The following DNAH11 variants were observed in gnomAD, a reference collection of about 807,000 sequenced individuals.
The protein encoded by DNAH11 is axonemal beta dynein heavy chain 11.
A neutral mutation model predicts 526.0 loss-of-function variants in DNAH11; 442 were observed. That is an observed-to-expected ratio of 0.84 (90% CI 0.78 to 0.91). The LOEUF (loss-of-function observed/expected upper bound fraction) is 0.91, where lower values mean the gene tolerates loss of function less well. Ranked by LOEUF, DNAH11 falls within the 40% of genes least tolerant of loss-of-function variation. DNAH11 has a pLI of 0.00. For missense variants in DNAH11, 6,989 were observed against 5,448.7 expected (o/e 1.28, Z -8.90); for synonymous variants, 2,461 against 1,935.9 (o/e 1.27, Z -7.12).
chr7:21,817,659 C>A (rs1363764533), intron 64 of DNAH11, among the ~76,000 whole-genome samples: 1 of 151,814 alleles, frequency 6.6e-6, no homozygotes, highest in African/African-American at 2.4e-5. Flanking sequence ...TGCCACTGCA[C>A]TCCAGCCTGG....
At chr7:21,581,508 G>T (rs191520746) in intron 8 of DNAH11, among the ~76,000 whole-genome samples, 1 of 152,158 alleles carries the variant, frequency 6.6e-6, no homozygotes. Flanking sequence ...CTTATAGATG[G>T]ACTAAAGTTA....
At chr7:21,686,564 A>G (rs1431974423) in intron 32 of DNAH11, among the ~76,000 whole-genome samples, 1 of 152,206 alleles carries the variant, frequency 6.6e-6, no homozygotes, top group Non-Finnish European at 1.5e-5. Flanking sequence ...TTTGTAAAAT[A>G]TATTTAAATA....
At chr7:21,638,303 A>G (rs550421798) in intron 27 of DNAH11, among the ~76,000 whole-genome samples, 2 of 152,340 alleles carry the variant, frequency 1.3e-5, no homozygotes, top group South Asian at 4.1e-4. Flanking sequence ...ATTTTATATT[A>G]CATAAACAGA....
Position 21,808,049 on chromosome 7 carries a change from G to T in DNAH11, c.10332G>T (p.Lys3444Asn). 6.6e-7 allele frequency: 1 copy of T among 1,517,370 alleles called. No individual in the cohort carries two copies. The highest frequency in any genetic ancestry group is 8.9e-7 in the Non-Finnish European group (1 of 1,118,416). The allele number at this position is 1,517,370 out of a possible 1,614,324, so 94.0% of individuals were successfully genotyped here. The change falls in exon 63 of 82, where the codon AAG becomes AAT. Residue 3444 changes from lysine to asparagine, a missense_variant and splice_region_variant. Coordinates refer to ENST00000409508, the MANE Select transcript of DNAH11 (RefSeq NM_001277115.2). ...HCKWVPFLQQ[K>N]VSIPLTEGLD... ...AGTGGGTTCCCTTTCTTCAACAGAA[G>T]GTAAGTTCAGTTCCTTACCTTGTCA...
At chr7:21,635,449 C>G (rs1001702353) in intron 25 of DNAH11, among the ~76,000 whole-genome samples, 1 of 152,164 alleles carries the variant, frequency 6.6e-6, no homozygotes, top group African/African-American at 2.4e-5. Context: ...AGCCACCGTG[C>G]CCGGCCTATT....
At chr7:21,810,228 C>T (rs56118232) in intron 63 of DNAH11, among the ~76,000 whole-genome samples, 37 of 152,268 alleles carry the variant, frequency 2.4e-4, no homozygotes, top group Non-Finnish European at 5.1e-4. Flanking sequence ...GTTTAAGATA[C>T]TCCTTGTACA....
chr7:21,749,824 T>A, intron 53 of DNAH11, 23 bp downstream of exon 53: 1 of 1,611,704 alleles, frequency 6.2e-7, no homozygotes, highest in African/African-American at 1.3e-5. Flanking sequence ...ACACATTTCT[T>A]GAAAGATCTT....
chr7:21,629,923 T>C (rs1786524504), intron 25 of DNAH11, among the ~76,000 whole-genome samples: 2 of 152,164 alleles, frequency 1.3e-5, no homozygotes, highest in African/African-American at 4.8e-5. Flanking sequence ...ATGGTGAGTG[T>C]TGTTATTAAG....
intron 54 of DNAH11, among the ~76,000 whole-genome samples, chr7:21,751,749 C>T (rs1055149741): frequency 2.6e-5 from 4 of 152,178 alleles, no homozygotes; most frequent in Non-Finnish European, 5.9e-5. Flanking sequence ...TCACGTTAAT[C>T]TTACTGAGCA....
At chr7:21,860,029 C>T (rs116419609) in intron 68 of DNAH11, among the ~76,000 whole-genome samples, 23 of 152,108 alleles carry the variant, frequency 1.5e-4, no homozygotes, top group African/African-American at 4.8e-4. Context: ...AAAAATTAGC[C>T]AAGTGTGATG....
chr7:21,596,707 G>A (rs1784875690), intron 14 of DNAH11, among the ~76,000 whole-genome samples: 3 of 152,282 alleles, frequency 2.0e-5, no homozygotes, highest in South Asian at 2.1e-4. Flanking sequence ...ACAAGGTTTT[G>A]CATTGTCATC....
intron 54 of DNAH11, among the ~76,000 whole-genome samples, chr7:21,764,120 G>A (rs949166731): frequency 3.3e-5 from 5 of 152,106 alleles, no homozygotes; most frequent in African/African-American, 1.2e-4. Flanking sequence ...GCTGCACAGC[G>A]CTGGACTTAC....
chr7:21,674,628 C>G (rs370890308), intron 30 of DNAH11, among the ~76,000 whole-genome samples: 2 of 152,050 alleles, frequency 1.3e-5, no homozygotes, highest in South Asian at 2.1e-4. Context: ...CACGATCTTT[C>G]TTTTTCCTTC....
At chr7:21,747,571 G>A (rs891357286) in intron 51 of DNAH11, among the ~76,000 whole-genome samples, 3 of 152,106 alleles carry the variant, frequency 2.0e-5, no homozygotes, top group Non-Finnish European at 2.9e-5. Flanking sequence ...AAGTTAAAGC[G>A]AGTTTATTTA....
chr7:21,867,755 T>G (rs372716644), intron 71 of DNAH11, 104 bp from the exon 72 acceptor site: 2 of 1,025,416 alleles, frequency 2.0e-6, no homozygotes, highest in African/African-American at 3.2e-5. Flanking sequence ...GTAATAAACC[T>G]GGTTACTTCT....
At chr7:21,887,685 T>C (rs1165533688) in intron 76 of DNAH11, among the ~76,000 whole-genome samples, 1 of 152,212 alleles carries the variant, frequency 6.6e-6, no homozygotes, top group East Asian at 1.9e-4. Flanking sequence ...GTATACATTT[T>C]CATTATATAT....
At chr7:21,634,170 G>T (rs560259544) in intron 25 of DNAH11, among the ~76,000 whole-genome samples, 3 of 152,206 alleles carry the variant, frequency 2.0e-5, no homozygotes, top group African/African-American at 4.8e-5. Flanking sequence ...GGTTTATTCA[G>T]TGTGAAGGAC....
In DNAH11 at chr7:21,784,065, G is replaced by C. The variant is rs1788070844; in HGVS notation, c.9484-362G>C. Among the ~76,000 whole-genome samples, 7 of 152,322 alleles carry C rather than the reference G, an allele frequency of 4.6e-5. No homozygotes were observed. In the South Asian group the frequency reaches 1.5e-3, roughly 32 times the overall value. ...TTTTGTGGTCTAGGTTACTAAGCTA[G>C]CCCAGATGTTTGTTAATCCAGGACT... On this transcript the variant is annotated intron_variant, in intron 57 of 81. Transcript: ENST00000409508.
intron 2 of DNAH11, among the ~76,000 whole-genome samples, chr7:21,550,891 A>G (rs1782996760): frequency 1.3e-5 from 2 of 152,240 alleles, no homozygotes; most frequent in East Asian, 1.9e-4. Context: ...TTTCTGTGAA[A>G]TCTGCTTGAA....
Sources: allele counts gnomAD v4.1 joint callset (sites outside exome capture counted in the v4.1 genomes callset), GRCh38; gene constraint gnomAD v4.1.1; transcripts MANE v1.5; gene names NCBI Gene and HGNC (gene_info 2026-07-23, HGNC 2026-07-21).